Variants in PTPRS observed in about 807,000 individuals in gnomAD.
PTPRS encodes receptor-type tyrosine-protein phosphatase S.
A neutral mutation model predicts 215.3 loss-of-function variants in PTPRS; 63 were observed. That is an observed-to-expected ratio of 0.29 (90% CI 0.24 to 0.36). The LOEUF is 0.36. Ranked by LOEUF, PTPRS falls within the 10% of genes least tolerant of loss-of-function variation. PTPRS has a pLI of 1.00. For missense variants in PTPRS, 2,258 were observed against 2,825.8 expected (o/e 0.80, Z 4.56); for synonymous variants, 1,404 against 1,191.4 (o/e 1.18, Z -3.68).
rs886671130 is a variant in PTPRS, at chr19:5,287,292, C to T, written c.-94-1058G>A. Among the ~76,000 whole-genome samples, 4 of 152,194 alleles carry T rather than the reference C, an allele frequency of 2.6e-5. No individual in the cohort carries two copies. Among genetic ancestry groups the T allele is most frequent in the African/African-American group, 7.2e-5 (3 of 41,440 alleles). ...TCAATTCCCCCTACATTCTACATCC[C>T]GGAGCATCAGATATGACTAAGGTTA... On this transcript the variant is annotated intron_variant, in intron 1 of 37. Coordinates refer to ENST00000262963, the MANE Select transcript of PTPRS (RefSeq NM_002850.4). The surrounding 1 kb of genome is among the most constrained non-coding windows in gnomAD (Gnocchi z 4.8).
At chr19:5,286,783 A>AACCCCAACCCCAGCATGAG (rs1359776673) in intron 1 of PTPRS, among the ~76,000 whole-genome samples, 1 of 151,954 alleles carries the variant, frequency 6.6e-6, no homozygotes, top group East Asian at 1.9e-4. Context: ...CCACCAGCTA[A>AACCCCAACCCCAGCATGAG]ACCCCAACCC....
rs536134661 is a variant in PTPRS, at chr19:5,295,906, C to T, written c.-94-9672G>A. On this transcript the variant is annotated intron_variant, in intron 1 of 37. Transcript: ENST00000262963. This position sits in a 1 kb window ranked among gnomAD's most constrained non-coding sequence, Gnocchi z 4.6. Reference sequence around the variant, plus strand: ...AGTAGCTTGGACTACAGGCACATGCCACCACGTCTGGCTAATTTTTGGATT... The same window carrying T: ...AGTAGCTTGGACTACAGGCACATGCTACCACGTCTGGCTAATTTTTGGATT... Among the ~76,000 whole-genome samples, 60 of 152,262 alleles carry T rather than the reference C, an allele frequency of 3.9e-4. No homozygotes were observed. The highest frequency in any genetic ancestry group is 1.4e-3 in the African/African-American group (60 of 41,554).
intron 37 of PTPRS, 38 bp downstream of exon 37, chr19:5,207,882 CGT>C (rs2040509665): frequency 6.2e-7 from 1 of 1,604,744 alleles, no homozygotes; most frequent in Non-Finnish European, 8.5e-7. Flanking sequence ...GCAGTCGGGG[CGT>C]GAGGCCAGGC....
At position 5,210,024 on chromosome 19, in the gene PTPRS, C is replaced by A. The variant is rs187919018; in HGVS notation, c.5487+445G>T. ...CACCTAATACCTGGCCTTTCTCCCT[C>A]CACCTGACACTGCAGTCCTTCATTG... On this transcript the variant is annotated intron_variant, in intron 35 of 37. Coordinates refer to ENST00000262963, the MANE Select transcript of PTPRS (RefSeq NM_002850.4). This position sits in a 1 kb window ranked among gnomAD's most constrained non-coding sequence, Gnocchi z 4.5. 6.6e-6 allele frequency among the ~76,000 whole-genome samples: 1 copy of A among 152,338 alleles called. No individual in the cohort carries two copies. Among genetic ancestry groups the A allele is most frequent in the Admixed American group, 6.5e-5 (1 of 15,304 alleles).
chr19:5,285,233 T>A lies in PTPRS; in HGVS notation c.91+817A>T, dbSNP rs2048244381. Among the ~76,000 whole-genome samples, 3 of 152,140 alleles carry A rather than the reference T, an allele frequency of 2.0e-5. No homozygotes were observed. The South Asian group carries it at 6.2e-4, about 32-fold the overall frequency. ...CAGCAGGTTGGCAGCAGAGCCAGGATTCAAACCCAGCCTGACTGCAGAACC... is the reference window on the plus strand; with the variant it reads ...CAGCAGGTTGGCAGCAGAGCCAGGAATCAAACCCAGCCTGACTGCAGAACC... On this transcript the variant is annotated intron_variant, in intron 2 of 37. Transcript: ENST00000262963.
In PTPRS at chr19:5,231,424, T is replaced by A. The variant is rs2043003143; in HGVS notation, c.2041A>T (p.Ile681Phe). ...CACTTCTCCAAGGCCTCCAGCAGGA[T>A]CTGAGTGGTGGTCGGGGGGATGCCG... ...VNGIPPTTTQILLEALEKWTQ... is the reference protein window; with the variant it reads ...VNGIPPTTTQFLLEALEKWTQ... The change falls in exon 14 of 38, where the codon ATC (isoleucine) becomes TTC (phenylalanine). Residue 681 changes from isoleucine to phenylalanine, a missense_variant. Transcript: ENST00000262963. 2 of 1,612,916 alleles carry A rather than the reference T, an allele frequency of 1.2e-6. No individual in the cohort carries two copies. The highest frequency in any genetic ancestry group is 1.7e-6 in the Non-Finnish European group (2 of 1,179,876).
At chr19:5,328,892 G>GCT (rs1191158589) in intron 1 of PTPRS, among the ~76,000 whole-genome samples, 1 of 152,198 alleles carries the variant, frequency 6.6e-6, no homozygotes, top group African/African-American at 2.4e-5. Context: ...GGACCAGGGG[G>GCT]CTCTTGCTGT....
intron 1 of PTPRS, among the ~76,000 whole-genome samples, chr19:5,302,546 C>T (rs2147097928): frequency 6.6e-6 from 1 of 152,346 alleles, no homozygotes; most frequent in East Asian, 1.9e-4. Flanking sequence ...TCGCTGGATA[C>T]TGTTGCGAAC....
In PTPRS at chr19:5,257,474, C is replaced by T. The variant is rs1325504222; in HGVS notation, c.706+543G>A. On this transcript the variant is annotated intron_variant, in intron 8 of 37. Transcript: ENST00000262963. This position sits in a 1 kb window ranked among gnomAD's most constrained non-coding sequence, Gnocchi z 4.4. ...AGGCAGAAGGCGCCGGGCTCCGGAC[C>T]AGCTGGTGGGGGGTGGGAGGGGCAG... 6.6e-6 allele frequency: 3 copies of T among 457,162 alleles called. No homozygotes were observed. The highest frequency in any genetic ancestry group is 4.0e-5 in the African/African-American group (2 of 50,054). 28.3% of individuals were successfully genotyped at this position (457,162 alleles called of 1,614,324 possible).
intron 2 of PTPRS, among the ~76,000 whole-genome samples, chr19:5,283,749 G>A (rs1443131775): frequency 1.3e-5 from 2 of 152,116 alleles, no homozygotes; most frequent in African/African-American, 2.4e-5. Flanking sequence ...TTGGGAACTT[G>A]GCCTGTGGGA....
At chr19:5,211,534 G>A (rs968440753) in intron 33 of PTPRS, 56 bp downstream of exon 33, 38 of 1,549,462 alleles carry the variant, frequency 2.5e-5, no homozygotes, top group Middle Eastern at 2.0e-4. Flanking sequence ...GAGGCCTCTT[G>A]AGAGTAGAGA....
intron 1 of PTPRS, among the ~76,000 whole-genome samples, chr19:5,301,236 G>A (rs547424918): frequency 8.0e-5 from 12 of 150,108 alleles, no homozygotes; most frequent in African/African-American, 2.2e-4. Context: ...CGGTCCCCCC[G>A]CCAGGCCCCA....
rs1193299679 is a variant in PTPRS, at chr19:5,338,730, G to T, written c.-95+1934C>A. Among the ~76,000 whole-genome samples the T allele has an allele frequency of 6.6e-6, 1 of 152,046 alleles. No homozygotes were observed. The highest frequency in any genetic ancestry group is 2.4e-5 in the African/African-American group (1 of 41,398). On this transcript the variant is annotated intron_variant, in intron 1 of 37. Transcript: ENST00000262963. The surrounding 1 kb of genome is among the most constrained non-coding windows in gnomAD (Gnocchi z 4.2). ...GGAAGGGACCCTGGGAGGGGGAGGG[G>T]ACTTATGCAAATGGCAGATTCGACC...
At chr19:5,253,569 G>A (rs1375289576) in intron 9 of PTPRS, among the ~76,000 whole-genome samples, 1 of 152,194 alleles carries the variant, frequency 6.6e-6, no homozygotes, top group Non-Finnish European at 1.5e-5. Context: ...TGGGGAAAAT[G>A]AGAGCTATGG....
At chr19:5,262,633 G>C (rs1374490587) in intron 6 of PTPRS, among the ~76,000 whole-genome samples, 1 of 152,230 alleles carries the variant, frequency 6.6e-6, no homozygotes, top group East Asian at 1.9e-4. Flanking sequence ...TAGGTGCGAA[G>C]TTCCATGAGC....
Position 5,258,003 on chromosome 19 carries a change from G to C in PTPRS, c.706+14C>G. 6.2e-7 allele frequency: 1 copy of C among 1,607,986 alleles called. No individual in the cohort carries two copies. The highest frequency in any genetic ancestry group is 8.5e-7 in the Non-Finnish European group (1 of 1,175,526). ...GCGGGTCCCTGCCTTTGACCTGGAC[G>C]CGGCGTTCCCTACCTCGCACGTAGA... On this transcript the variant is annotated intron_variant, in intron 8 of 37. Coordinates refer to ENST00000262963, the MANE Select transcript of PTPRS (RefSeq NM_002850.4).
rs748137051 is a variant in PTPRS, at chr19:5,240,180, C to T, written c.1704+19G>A. The T allele has an allele frequency of 3.4e-5, 52 of 1,512,586 alleles. No individual in the cohort carries two copies. Among genetic ancestry groups the T allele is most frequent in the Non-Finnish European group, 4.1e-5 (46 of 1,128,854 alleles). The allele number at this position is 1,512,586 out of a possible 1,614,324, so 93.7% of individuals were successfully genotyped here. On this transcript the variant is annotated intron_variant, in intron 12 of 37. Coordinates refer to ENST00000262963, the MANE Select transcript of PTPRS (RefSeq NM_002850.4). ...GGGAGGAGCCCAGGGCAGGCCAGCC[C>T]GTCCCCGCGCTGCCTCACCTCCCGG... is the stretch of plus-strand genomic sequence containing the variant.
intron 7 of PTPRS, among the ~76,000 whole-genome samples, chr19:5,258,689 A>C (rs1420247878): frequency 1.3e-5 from 2 of 152,138 alleles, no homozygotes; most frequent in African/African-American, 2.4e-5. Context: ...AAGTAAATGG[A>C]GACGGGGTTG....
intron 1 of PTPRS, among the ~76,000 whole-genome samples, chr19:5,309,178 G>T (rs1174373736): frequency 6.9e-6 from 1 of 144,154 alleles, no homozygotes; most frequent in African/African-American, 2.4e-5. Flanking sequence ...TGGCTCTGGT[G>T]GTGAGCAGAG....
Sources: gnomAD v4.1 joint callset for allele counts (sites outside exome capture counted in the v4.1 genomes callset) on GRCh38, gnomAD v4.1.1 for gene constraint, Gnocchi (gnomAD v3.1) non-coding constraint, MANE v1.5 for transcripts, NCBI Gene and HGNC (gene_info 2026-07-23, HGNC 2026-07-21) for gene names.